PDE1A: variants seen among roughly 807,000 people sequenced by gnomAD.
PDE1A encodes dual specificity calcium/calmodulin-dependent 3',5'-cyclic nucleotide phosphodiesterase 1A.
Under a neutral mutation model 61.7 loss-of-function variants are expected in PDE1A, and 35 were observed. The ratio of observed to expected loss-of-function variants is 0.57; its 90% CI spans 0.43 to 0.75. PDE1A has a LOEUF of 0.75. Among genes scored for constraint, PDE1A ranks in the 30% least tolerant of loss-of-function variants. The probability of loss-of-function intolerance (pLI) is 0.00; values close to 1 mark genes in which losing one functional copy is unlikely to be tolerated. For missense variants in PDE1A, 597 were observed against 630.6 expected (o/e 0.95, Z 0.57); for synonymous variants, 232 against 213.2 (o/e 1.09, Z -0.77).
At chr2:182,280,346 C>T (rs1311848804) in intron 1 of PDE1A, among the ~76,000 whole-genome samples, 1 of 151,920 alleles carries the variant, frequency 6.6e-6, no homozygotes, top group Non-Finnish European at 1.5e-5. Flanking sequence ...CAGCTGTCAT[C>T]CTGAGGCTGC....
chr2:182,201,462 G>A (rs1245656616), exon 10 of PDE1A: 1 of 1,613,902 alleles, frequency 6.2e-7, no homozygotes, highest in African/African-American at 1.3e-5. Context: ...TCCTCCATTA[G>A]GGCCATGGTC....
intron 7 of PDE1A, among the ~76,000 whole-genome samples, chr2:182,207,347 T>C (rs1687194425): frequency 1.3e-5 from 2 of 152,240 alleles, no homozygotes; most frequent in South Asian, 4.1e-4. Context: ...AAAGTCACTC[T>C]GGCTATGCTT....
chr2:182,301,429 C>T (rs924814004), intron 1 of PDE1A, among the ~76,000 whole-genome samples: 5 of 152,094 alleles, frequency 3.3e-5, no homozygotes, highest in African/African-American at 9.7e-5. Context: ...TATTATCTCT[C>T]GAAGTGACCC....
chr2:182,554,521 A>G, the PDE1A span, among the ~76,000 whole-genome samples: 1 of 152,120 alleles, frequency 6.6e-6, no homozygotes, highest in South Asian at 2.1e-4. Context: ...GAGGTGGTGA[A>G]GGTGTGGGTT....
At chr2:182,678,398 G>C in the PDE1A span, among the ~76,000 whole-genome samples, 1 of 152,146 alleles carries the variant, frequency 6.6e-6, no homozygotes, top group Non-Finnish European at 1.5e-5. Context: ...ACTCCAGCCT[G>C]GGGGACAAGA....
At chr2:182,461,287 C>T (rs1161127603) in intron 2 of PDE1A, among the ~76,000 whole-genome samples, 1 of 152,040 alleles carries the variant, frequency 6.6e-6, no homozygotes, top group Non-Finnish European at 1.5e-5. Context: ...ATATATTGTA[C>T]AGCCATTAAA....
chr2:182,533,044 G>A, the PDE1A span, among the ~76,000 whole-genome samples: 2 of 151,858 alleles, frequency 1.3e-5, no homozygotes, highest in East Asian at 1.9e-4. Context: ...GCCAGGCGCG[G>A]CTCAGTCCTG....
At chr2:182,501,526 T>G (rs1465775048) in intron 2 of PDE1A, among the ~76,000 whole-genome samples, 3 of 152,208 alleles carry the variant, frequency 2.0e-5, no homozygotes, top group Non-Finnish European at 4.4e-5. Flanking sequence ...CCTAATGAAA[T>G]GTAAAGGTGC....
intron 2 of PDE1A, among the ~76,000 whole-genome samples, chr2:182,503,892 C>A (rs74498505): frequency 0.018 from 2,696 of 152,110 alleles, 81 homozygotes; most frequent in African/African-American, 0.061. Context: ...ACTCTCCATG[C>A]GCCAGTGAAT....
intron 2 of PDE1A, among the ~76,000 whole-genome samples, chr2:182,521,228 T>A (rs1198816458): frequency 2.0e-5 from 3 of 151,980 alleles, no homozygotes; most frequent in Non-Finnish European, 4.4e-5. Flanking sequence ...TAAAAAAATA[T>A]CAAACAGGGA....
chr2:182,599,596 T>C, the PDE1A span, among the ~76,000 whole-genome samples: 1 of 152,182 alleles, frequency 6.6e-6, no homozygotes, highest in East Asian at 1.9e-4. Context: ...TTATGTATGT[T>C]CTGGCTTTTA....
the PDE1A span, among the ~76,000 whole-genome samples, chr2:182,643,501 T>C: frequency 2.0e-5 from 3 of 152,182 alleles, no homozygotes; most frequent in African/African-American, 7.2e-5. Context: ...CCAACCGTTA[T>C]ACATTGCATA....
chr2:182,321,410 C>T (rs992669210), intron 1 of PDE1A, among the ~76,000 whole-genome samples: 1 of 152,164 alleles, frequency 6.6e-6, no homozygotes, highest in Admixed American at 6.6e-5. Context: ...TACAAATCAA[C>T]ATGTAGCTAT....
At chr2:182,594,038 C>T in the PDE1A span, among the ~76,000 whole-genome samples, 3 of 152,178 alleles carry the variant, frequency 2.0e-5, no homozygotes, top group South Asian at 2.1e-4. Flanking sequence ...TAAAAGGGCC[C>T]TTAAGTCTAG....
At chr2:182,241,662 C>A (rs2125693959) in intron 2 of PDE1A, 2 of 504,204 alleles carry the variant, frequency 4.0e-6, no homozygotes, top group East Asian at 6.8e-5. Context: ...ATTTATTTTC[C>A]ATGGTATTAA....
intron 12 of PDE1A, 67 bp from the exon 13 acceptor site, chr2:182,186,146 A>G (rs1461801936): frequency 6.6e-7 from 1 of 1,506,588 alleles, no homozygotes; most frequent in Non-Finnish European, 9.0e-7. Context: ...GAAAACCTGA[A>G]AAACTTTACA....
the PDE1A span, among the ~76,000 whole-genome samples, chr2:182,584,581 C>T: frequency 6.6e-6 from 1 of 152,198 alleles, no homozygotes; most frequent in Admixed American, 6.5e-5. Flanking sequence ...CTGTCGTCAC[C>T]TGCTCAGGCC....
the PDE1A span, among the ~76,000 whole-genome samples, chr2:182,687,483 A>G: frequency 1.3e-5 from 2 of 152,336 alleles, no homozygotes; most frequent in South Asian, 4.1e-4. Flanking sequence ...CTGACTGTTA[A>G]AAGGAAAACT....
intron 1 of PDE1A, among the ~76,000 whole-genome samples, chr2:182,419,930 CAGTATTGATTCT>C (rs1412924673): frequency 6.6e-6 from 1 of 151,878 alleles, no homozygotes; most frequent in East Asian, 1.9e-4. Context: ...AAGATGAATT[CAGTATTGATTCT>C]AGCCTCAGGG....
Sources: gnomAD v4.1 joint callset for allele counts (sites outside exome capture counted in the v4.1 genomes callset) on GRCh38, gnomAD v4.1.1 for gene constraint, MANE v1.5 for transcripts, NCBI Gene and HGNC (gene_info 2026-07-23, HGNC 2026-07-21) for gene names.